Variants in CCDC192 observed in about 807,000 individuals in gnomAD.
CCDC192 encodes coiled-coil domain containing 192, also known as coiled-coil domain-containing protein 192.
In CCDC192 at chr5:127,733,933, T is replaced by TA. The variant is rs1561453643; in HGVS notation, c.115-20335_115-20334insA. ...TCACTAACTATATATATATATATATTTTTTTATTATACTTTAAGTTTTAGG... is the reference window on the plus strand; with the variant it reads ...TCACTAACTATATATATATATATATTATTTTTATTATACTTTAAGTTTTAGG... On this transcript the variant is annotated intron_variant, in intron 2 of 6. Coordinates refer to ENST00000514853, the MANE Select transcript of CCDC192 (RefSeq NM_001317938.2). 2.3e-3 allele frequency among the ~76,000 whole-genome samples: 345 copies of TA among 150,072 alleles called. 1 individual carries two copies. The highest frequency in any genetic ancestry group is 7.2e-3 in the African/African-American group (294 of 41,036).
At chr5:127,710,175 A>G (rs77853333) in intron 2 of CCDC192, among the ~76,000 whole-genome samples, 17 of 152,064 alleles carry the variant, frequency 1.1e-4, no homozygotes, top group African/African-American at 4.1e-4. Context: ...AGCTGGAGGG[A>G]GTTGGGATTA....
intron 6 of CCDC192, among the ~76,000 whole-genome samples, chr5:127,923,621 C>T (rs959431170): frequency 1.3e-5 from 2 of 152,200 alleles, no homozygotes; most frequent in African/African-American, 4.8e-5. Flanking sequence ...TTGTGATCTG[C>T]CCACCTCGGC....
chr5:127,803,873 ATAAAC>A (rs1163179793), intron 5 of CCDC192, among the ~76,000 whole-genome samples: 1 of 152,234 alleles, frequency 6.6e-6, no homozygotes, highest in Non-Finnish European at 1.5e-5. Flanking sequence ...ACATTTCATA[ATAAAC>A]TAAACAGTTA....
intron 3 of CCDC192, among the ~76,000 whole-genome samples, chr5:127,779,237 A>G (rs1368667431): frequency 3.9e-5 from 6 of 152,036 alleles, no homozygotes; most frequent in African/African-American, 1.4e-4. Context: ...GTTTTTTTCT[A>G]TATATATAGA....
At chr5:127,906,189 C>T (rs1236919277) in intron 6 of CCDC192, among the ~76,000 whole-genome samples, 1 of 152,142 alleles carries the variant, frequency 6.6e-6, no homozygotes, top group Non-Finnish European at 1.5e-5. Flanking sequence ...TAACTGCTCT[C>T]CCCCGCCTGC....
At chr5:127,879,383 T>C (rs1752255039) in intron 6 of CCDC192, among the ~76,000 whole-genome samples, 1 of 137,396 alleles carries the variant, frequency 7.3e-6, no homozygotes, top group African/African-American at 2.8e-5. Context: ...TGGCTAGCCA[T>C]ATGTAGAAAG....
chr5:127,751,370 A>G (rs941883263), intron 2 of CCDC192, among the ~76,000 whole-genome samples: 9 of 151,812 alleles, frequency 5.9e-5, no homozygotes, highest in African/African-American at 1.9e-4. Context: ...TCCTTCACTC[A>G]TGAAGCTTAG....
At chr5:127,903,710 C>A (rs906250669) in intron 6 of CCDC192, among the ~76,000 whole-genome samples, 2 of 152,092 alleles carry the variant, frequency 1.3e-5, no homozygotes, top group Admixed American at 6.5e-5. Flanking sequence ...AATAGCTGAT[C>A]ATTACAAATA....
chr5:127,894,079 A>G (rs1434463090), intron 6 of CCDC192, among the ~76,000 whole-genome samples: 1 of 152,032 alleles, frequency 6.6e-6, no homozygotes, highest in Non-Finnish European at 1.5e-5. Context: ...CTAATTACCT[A>G]TCTCCATTGC....
chr5:127,771,868 G>GA lies in CCDC192; in HGVS notation c.222+17500dup, dbSNP rs139514525. Among the ~76,000 whole-genome samples the GA allele has an allele frequency of 7.6e-3, 1,156 of 152,016 alleles. 8 individuals are homozygous for GA. The highest frequency in any genetic ancestry group is 0.017 in the South Asian group (82 of 4,822). On this transcript the variant is annotated intron_variant, in intron 3 of 6. Coordinates refer to ENST00000514853, the MANE Select transcript of CCDC192 (RefSeq NM_001317938.2). Reference sequence around the variant, plus strand: ...CAGCAGGGTTTTATTGATTGAAAAGGAAAAAAAGGGGAAGCAGGGATTCTC... The same window carrying GA: ...CAGCAGGGTTTTATTGATTGAAAAGGAAAAAAAAGGGGAAGCAGGGATTCTC...
chr5:127,871,638 G>A (rs913093503), intron 5 of CCDC192, among the ~76,000 whole-genome samples: 1 of 152,146 alleles, frequency 6.6e-6, no homozygotes, highest in Non-Finnish European at 1.5e-5. Context: ...TTGGGTAATT[G>A]CCACGGTTTA....
chr5:127,900,992 C>CT (rs1753022868), intron 6 of CCDC192, among the ~76,000 whole-genome samples: 1 of 152,052 alleles, frequency 6.6e-6, no homozygotes, highest in African/African-American at 2.4e-5. Flanking sequence ...CAGAATAAAA[C>CT]TTTTTTCCCC....
chr5:127,741,292 G>A (rs1162574988), intron 2 of CCDC192, among the ~76,000 whole-genome samples: 2 of 152,008 alleles, frequency 1.3e-5, no homozygotes, highest in Non-Finnish European at 1.5e-5. Context: ...TGAACTCCTG[G>A]GCTCGAGAGA....
chr5:127,793,641 T>G (rs1757004322), intron 3 of CCDC192, among the ~76,000 whole-genome samples: 2 of 152,184 alleles, frequency 1.3e-5, no homozygotes, highest in Non-Finnish European at 2.9e-5. Context: ...TTTCTCAATC[T>G]TTACAATGAA....
chr5:127,767,073 T>A (rs1397227951), intron 3 of CCDC192, among the ~76,000 whole-genome samples: 1 of 152,062 alleles, frequency 6.6e-6, no homozygotes, highest in African/African-American at 2.4e-5. Context: ...GATAGCAGAG[T>A]GCCTTTTCCC....
intron 2 of CCDC192, among the ~76,000 whole-genome samples, chr5:127,733,373 C>T (rs1374920127): frequency 6.6e-6 from 1 of 152,136 alleles, no homozygotes; most frequent in Non-Finnish European, 1.5e-5. Flanking sequence ...TGAATTACCC[C>T]ATTTCATCAT....
chr5:127,897,271 G>GC (rs1268787363), intron 6 of CCDC192, among the ~76,000 whole-genome samples: 1 of 150,804 alleles, frequency 6.6e-6, no homozygotes, highest in Non-Finnish European at 1.5e-5. Flanking sequence ...TCTATATTCA[G>GC]CCCCCCGAGA....
chr5:127,762,865 G>A (rs1362570607), intron 3 of CCDC192, among the ~76,000 whole-genome samples: 1 of 152,184 alleles, frequency 6.6e-6, no homozygotes, highest in East Asian at 1.9e-4. Context: ...AAATTAGTAA[G>A]TTAGGTATAT....
Position 127,887,328 on chromosome 5 carries a change from CA to C in CCDC192, c.535+11688del, listed in dbSNP as rs10658827. On this transcript the variant is annotated intron_variant, in intron 6 of 6. Coordinates refer to ENST00000514853, the MANE Select transcript of CCDC192 (RefSeq NM_001317938.2). Reference sequence around the variant, plus strand: ...TGGGTAACAGAGAGAGACTCTGTCTCAAAAAAAAAAAAAAAAAAAAATCCCC... The same window carrying C: ...TGGGTAACAGAGAGAGACTCTGTCTCAAAAAAAAAAAAAAAAAAAATCCCC... Among the ~76,000 whole-genome samples, 458 of 87,552 alleles carry C rather than the reference CA, an allele frequency of 5.2e-3. 1 individual carries two copies. Among genetic ancestry groups the C allele is most frequent in the East Asian group, 0.047 (145 of 3,064 alleles). 57.4% of individuals were successfully genotyped at this position (87,552 alleles called of 152,430 possible).
Sources: allele counts gnomAD v4.1 joint callset (sites outside exome capture counted in the v4.1 genomes callset), GRCh38; gene constraint gnomAD v4.1.1; transcripts MANE v1.5; gene names NCBI Gene and HGNC (gene_info 2026-07-23, HGNC 2026-07-21).